The following HSPG2 variants were observed in gnomAD, a reference collection of about 807,000 sequenced individuals.
HSPG2 encodes heparan sulfate proteoglycan 2.
A neutral mutation model predicts 526.6 loss-of-function variants in HSPG2; 278 were observed. That is an observed-to-expected ratio of 0.53 (90% CI 0.48 to 0.58). HSPG2 has a LOEUF of 0.58. Among genes scored for constraint, HSPG2 ranks in the 20% least tolerant of loss-of-function variants. The pLI, the probability that HSPG2 is intolerant of heterozygous loss-of-function variation, is 0.00. For missense variants in HSPG2, 5,354 were observed against 6,099.5 expected, an observed-to-expected ratio of 0.88 and a Z score of 4.07; for synonymous variants, 2,465 against 2,555.4, an observed-to-expected ratio of 0.96 and a Z score of 1.07.
At position 21,848,056 on chromosome 1, in the gene HSPG2, G is replaced by A. The variant is rs140341550; in HGVS notation, c.7775C>T (p.Pro2592Leu). Residue 2592 changes from proline (P) to leucine (L), a missense_variant, in exon 60 of 97, where the codon CCG (proline) becomes CTG (leucine). Coordinates refer to ENST00000374695, the MANE Select transcript of HSPG2 (RefSeq NM_005529.7). The surrounding 1 kb of genome is among the most constrained non-coding windows in gnomAD (Gnocchi z 4.9). Reference protein sequence around the residue: ...GSRLRIPQVTPADSGEYVCHV... With the variant: ...GSRLRIPQVTLADSGEYVCHV... ...ACACACGTACTCGCCCGAGTCTGCC[G>A]GAGTCACCTGAGGGATCCGCAGCCG... is the stretch of plus-strand genomic sequence containing the variant. 189 of 1,612,514 alleles carry A rather than the reference G, an allele frequency of 1.2e-4. No individual in the cohort carries two copies. The highest frequency in any genetic ancestry group is 1.5e-4 in the Non-Finnish European group (182 of 1,179,704).
chr1:21,848,269 A>G lies in HSPG2; in HGVS notation c.7738-176T>C, dbSNP rs1638610126. ...TGTCTCTGGGCTGGGGTGGACGTCTAGCCTTTTGTCACCCCTCCAGAAAGC... is the reference window on the plus strand; with the variant it reads ...TGTCTCTGGGCTGGGGTGGACGTCTGGCCTTTTGTCACCCCTCCAGAAAGC... On this transcript the variant is annotated intron_variant, in intron 59 of 96. Coordinates refer to ENST00000374695, the MANE Select transcript of HSPG2 (RefSeq NM_005529.7). The surrounding 1 kb of genome is among the most constrained non-coding windows in gnomAD (Gnocchi z 4.9). Among the ~76,000 whole-genome samples, 2 of 152,090 alleles carry G rather than the reference A, an allele frequency of 1.3e-5. No individual in the cohort carries two copies. Among genetic ancestry groups the G allele is most frequent in the African/African-American group, 4.8e-5 (2 of 41,424 alleles).
intron 6 of HSPG2, among the ~76,000 whole-genome samples, chr1:21,888,873 G>C (rs779855988): frequency 6.6e-6 from 1 of 152,238 alleles, no homozygotes; most frequent in Non-Finnish European, 1.5e-5. Flanking sequence ...ACCTGGGCCT[G>C]ATGATGCAGA....
Position 21,873,078 on chromosome 1 carries a change from C to T in HSPG2, c.3807G>A (p.Val1269=), listed in dbSNP as rs1191134924. Residue 1269 remains valine, a synonymous_variant, in exon 31 of 97, where the codon GTG becomes GTA. Transcript: ENST00000374695. The stretch of plus-strand genomic sequence containing the variant: ...CACAGTTGCAGCCTATGGGCCCTGG[C>T]ACCTGGCTGTCTCCTGAGGTGGAAG... The part of the protein sequence containing the change: ...QGQPCQRDSQ[V]PGPIGCNCDP... 1 of 1,601,190 alleles carries T rather than the reference C, an allele frequency of 6.2e-7. No individual in the cohort carries two copies.
intron 1 of HSPG2, among the ~76,000 whole-genome samples, chr1:21,902,863 T>A (rs12744726): frequency 1.6e-4 from 25 of 152,146 alleles, no homozygotes; most frequent in African/African-American, 6.0e-4. Flanking sequence ...CTTTACCTTT[T>A]AGCTAACTTT....
Position 21,864,168 on chromosome 1 carries a change from C to T in HSPG2, c.4672G>A (p.Gly1558Ser), listed in dbSNP as rs185227881. 1.3e-5 allele frequency: 20 copies of T among 1,555,408 alleles called. No homozygotes were observed. The highest frequency in any genetic ancestry group is 3.9e-5 in the Admixed American group (2 of 51,794). ...TTGCATTCACATAGCTCGCAGTGGCCGAGGTAGAGCCCACTCCCGGTGCGC... is the reference window on the plus strand; with the variant it reads ...TTGCATTCACATAGCTCGCAGTGGCTGAGGTAGAGCCCACTCCCGGTGCGC... ...YTRTGSGLYL[G>S]HCELCECNGH... The change falls in exon 37 of 97, where the codon GGC becomes AGC. Residue 1558 changes from glycine to serine, a missense_variant. Coordinates refer to ENST00000374695, the MANE Select transcript of HSPG2 (RefSeq NM_005529.7). This position sits in a 1 kb window ranked among gnomAD's most constrained non-coding sequence, Gnocchi z 4.8.
In HSPG2 at chr1:21,919,244, G is replaced by A. The variant is rs112251249; in HGVS notation, c.63+17911C>T. 1.6e-4 allele frequency among the ~76,000 whole-genome samples: 25 copies of A among 152,198 alleles called. 1 individual carries two copies. Among genetic ancestry groups the A allele is most frequent in the African/African-American group, 6.0e-4 (25 of 41,520 alleles). On this transcript the variant is annotated intron_variant, in intron 1 of 96. Transcript: ENST00000374695. ...AGTTTGAGACCAGCCTGGCCAACAT[G>A]GTGAAACCCCGTCTCTACTAAAAAT...
chr1:21,903,083 C>A (rs989293044), intron 1 of HSPG2, among the ~76,000 whole-genome samples: 1 of 152,202 alleles, frequency 6.6e-6, no homozygotes, highest in African/African-American at 2.4e-5. Flanking sequence ...ATTAACCCAC[C>A]TGACAGAAGA....
chr1:21,850,238 T>C, intron 56 of HSPG2, 46 bp from the exon 57 acceptor site: 1 of 1,612,684 alleles, frequency 6.2e-7, no homozygotes, highest in South Asian at 1.1e-5. Flanking sequence ...GGAGGTGAGA[T>C]GAGATGGGGC....
chr1:21,905,303 T>C (rs1643321397), intron 1 of HSPG2, among the ~76,000 whole-genome samples: 1 of 150,268 alleles, frequency 6.7e-6, no homozygotes, highest in Non-Finnish European at 1.5e-5. Context: ...CCTCTTTTGC[T>C]ACTGTGCTCC....
chr1:21,898,944 C>T lies in HSPG2; in HGVS notation c.64-2634G>A, dbSNP rs777756957. Among the ~76,000 whole-genome samples the T allele has an allele frequency of 9.9e-4, 151 of 152,168 alleles. 1 individual carries two copies. Among genetic ancestry groups the T allele is most frequent in the African/African-American group, 3.9e-4 (16 of 41,440 alleles). ...CAGGGAGCTGGTCAGCGGGTGGCGG[C>T]GGGGGTGGCCTTGGGACCAGACAGG... On this transcript the variant is annotated intron_variant, in intron 1 of 96. Coordinates refer to ENST00000374695, the MANE Select transcript of HSPG2 (RefSeq NM_005529.7). The surrounding 1 kb of genome is among the most constrained non-coding windows in gnomAD (Gnocchi z 4.0).
intron 33 of HSPG2, among the ~76,000 whole-genome samples, chr1:21,871,799 G>C (rs1030409665): frequency 6.6e-6 from 1 of 152,244 alleles, no homozygotes; most frequent in Non-Finnish European, 1.5e-5. Context: ...CAAGCACAGA[G>C]CCAGCAGTGT....
At position 21,828,126 on chromosome 1, in the gene HSPG2, G is replaced by C. The variant is rs368114322; in HGVS notation, c.12436C>G (p.Pro4146Ala). The stretch of plus-strand genomic sequence containing the variant: ...AGACAGGGTTCACGGAGCTGGCAGG[G>C]GTTCTCCTCGTGCTCACACAGGTCT... ...KGDLCEHEEN[P>A]CQLREPCLHG... The change falls in exon 90 of 97, where the codon CCC becomes GCC. Residue 4146 changes from proline to alanine, a missense_variant. Transcript: ENST00000374695. This position sits in a 1 kb window ranked among gnomAD's most constrained non-coding sequence, Gnocchi z 6.0. 1 of 1,613,094 alleles carries C rather than the reference G, an allele frequency of 6.2e-7. No homozygotes were observed. Among genetic ancestry groups the C allele is most frequent in the Admixed American group, 1.7e-5 (1 of 60,012 alleles).
At chr1:21,916,913 G>A (rs958465041) in intron 1 of HSPG2, among the ~76,000 whole-genome samples, 1 of 152,144 alleles carries the variant, frequency 6.6e-6, no homozygotes. Context: ...AGGCAAAATC[G>A]GAACCAGGCC....
In HSPG2 at chr1:21,824,768, G is replaced by A. The variant is rs750336685; in HGVS notation, c.12601C>T (p.Gln4201Ter). The change falls in exon 92 of 97, where the codon CAG becomes TAG. Residue 4201 changes from glutamine (Q) to a stop codon, truncating the protein, a stop_gained. Coordinates refer to ENST00000374695, the MANE Select transcript of HSPG2 (RefSeq NM_005529.7). LOFTEE classifies it high-confidence loss of function. This position sits in a 1 kb window ranked among gnomAD's most constrained non-coding sequence, Gnocchi z 5.9. ...TCATCGTGGAAATAGGCTCCGTACT[G>A]CCCAGGGGCATCTGTGGGAGAGAGG... ...EGSGGNDAPGQYGAYFHDDGF... is the reference protein window; with the variant it reads ...EGSGGNDAPG 1 of 1,612,674 alleles carries A rather than the reference G, an allele frequency of 6.2e-7. No individual in the cohort carries two copies.
At chr1:21,915,352 G>A (rs1388598542) in intron 1 of HSPG2, among the ~76,000 whole-genome samples, 2 of 152,248 alleles carry the variant, frequency 1.3e-5, no homozygotes, top group Admixed American at 6.5e-5. Context: ...GCCCGGACAT[G>A]GAGATTCCAG....
At chr1:21,924,875 G>C (rs938506006) in intron 1 of HSPG2, among the ~76,000 whole-genome samples, 9 of 152,166 alleles carry the variant, frequency 5.9e-5, no homozygotes, top group Non-Finnish European at 1.2e-4. Context: ...AATCAGACTT[G>C]CTCTTTAAGC....
intron 1 of HSPG2, among the ~76,000 whole-genome samples, chr1:21,899,071 G>GC (rs1265640100): frequency 2.0e-5 from 3 of 152,152 alleles, no homozygotes; most frequent in Non-Finnish European, 4.4e-5. Context: ...GGACAGAAGT[G>GC]CCCCACACTC....
At chr1:21,888,663 C>T in intron 6 of HSPG2, 2 of 1,364,870 alleles carry the variant, frequency 1.5e-6, no homozygotes, top group Non-Finnish European at 9.8e-7. Context: ...GGCTTACACT[C>T]TCACCTGGTG....
rs1255323985 is a variant in HSPG2 at position 21,872,659 on chromosome 1, G to A, written c.3990C>T (p.Ile1330=). 1.2e-6 allele frequency: 2 copies of A among 1,600,504 alleles called. No homozygotes were observed. Among genetic ancestry groups the A allele is most frequent in the Admixed American group, 3.5e-5 (2 of 57,022 alleles). The change falls in exon 32 of 97, where the codon ATC becomes ATT. Residue 1330 remains isoleucine, a synonymous_variant. Coordinates refer to ENST00000374695, the MANE Select transcript of HSPG2 (RefSeq NM_005529.7). This position sits in a 1 kb window ranked among gnomAD's most constrained non-coding sequence, Gnocchi z 5.5. The part of the protein sequence containing the change: ...DGCLPCFCMG[I]TQQCASSAYT... ...AGGCAGAGCTGGCGCACTGCTGGGT[G>A]ATGCCCATACAGAAGCAGGGCAGGC...
Sources: allele counts gnomAD v4.1 joint callset (sites outside exome capture counted in the v4.1 genomes callset), GRCh38; gene constraint gnomAD v4.1.1; non-coding constraint Gnocchi (gnomAD v3.1); transcripts MANE v1.5; gene names NCBI Gene and HGNC (gene_info 2026-07-23, HGNC 2026-07-21).